MIA2: variants seen among roughly 807,000 people sequenced by gnomAD.
The protein encoded by MIA2 is MIA SH3 domain ER export factor 2, also known as melanoma inhibitory activity protein 2.
A neutral mutation model predicts 167.8 loss-of-function variants in MIA2; 127 were observed. The ratio of observed to expected loss-of-function variants is 0.76; its 90% CI spans 0.66 to 0.88. The LOEUF (loss-of-function observed/expected upper bound fraction) is 0.88. Among genes scored for constraint, MIA2 ranks in the 40% least tolerant of loss-of-function variants. The pLI is 0.00. For synonymous variants in MIA2, 552 were observed against 541.9 expected (o/e 1.02, Z -0.26); for missense variants, 1,690 against 1,624.7 (o/e 1.04, Z -0.69).
intron 3 of MIA2, among the ~76,000 whole-genome samples, chr14:39,244,318 TAGG>T (rs1203853537): frequency 6.6e-6 from 1 of 152,184 alleles, no homozygotes; most frequent in Non-Finnish European, 1.5e-5. Context: ...AGGTGGAGAA[TAGG>T]AGAAGGTCAG....
chr14:39,295,592 A>C (rs558639861), intron 13 of MIA2, among the ~76,000 whole-genome samples: 6 of 151,854 alleles, frequency 4.0e-5, no homozygotes, highest in African/African-American at 1.4e-4. Context: ...ACGGAGTCTC[A>C]CTCTGTTGCC....
At chr14:39,386,303 G>A in intron 23 of MIA2, 1 of 1,485,092 alleles carries the variant, frequency 6.7e-7, no homozygotes, top group South Asian at 1.1e-5. Flanking sequence ...GGCCTCCAAA[G>A]TGACTGTGCT....
At chr14:39,256,593 A>G (rs2054826519) in intron 6 of MIA2, among the ~76,000 whole-genome samples, 1 of 152,158 alleles carries the variant, frequency 6.6e-6, no homozygotes, top group Non-Finnish European at 1.5e-5. Context: ...TTTAAAAAAA[A>G]ATAACAAAGA....
Position 39,303,543 on chromosome 14 carries a change from T to C in MIA2, c.2787+19T>C. ...TGCTAAGGTTTGTGCTATTAGATAC[T>C]TAAAAAGAATAAGGAGGAAGAAAGA... is the stretch of plus-strand genomic sequence containing the variant. On this transcript the variant is annotated intron_variant, in intron 16 of 28. Coordinates refer to ENST00000640607, the MANE Select transcript of MIA2 (RefSeq NM_001329214.4). The C allele has an allele frequency of 1.3e-6, 2 of 1,584,676 alleles. No individual in the cohort carries two copies. Among genetic ancestry groups the C allele is most frequent in the Non-Finnish European group, 1.7e-6 (2 of 1,157,392 alleles).
Position 39,345,955 on chromosome 14 carries a change from G to A in MIA2, c.3707G>A (p.Cys1236Tyr), listed in dbSNP as rs1437081722. 1.9e-6 allele frequency: 3 copies of A among 1,612,186 alleles called. No homozygotes were observed. In the Admixed American group the frequency reaches 5.0e-5, roughly 27 times the overall value. Residue 1236 changes from cysteine (C) to tyrosine (Y), a missense_variant, in exon 26 of 29, where the codon TGT becomes TAT. Coordinates refer to ENST00000640607, the MANE Select transcript of MIA2 (RefSeq NM_001329214.4). Reference sequence around the variant, plus strand: ...CCTCCACAAAGGCAAGACAGATTTTGTTCTAATTCTGGTAGACTGTCTGGA... The same window carrying A: ...CCTCCACAAAGGCAAGACAGATTTTATTCTAATTCTGGTAGACTGTCTGGA... ...ALPPQRQDRF[C>Y]SNSGRLSGPA...
chr14:39,236,039 T>C (rs1185699995), intron 1 of MIA2, among the ~76,000 whole-genome samples: 1 of 152,148 alleles, frequency 6.6e-6, no homozygotes, highest in Admixed American at 6.5e-5. Flanking sequence ...GATTCGTTCA[T>C]AGTTATTGAG....
At chr14:39,304,747 G>T (rs529186077) in intron 17 of MIA2, among the ~76,000 whole-genome samples, 1 of 152,176 alleles carries the variant, frequency 6.6e-6, no homozygotes, top group Non-Finnish European at 1.5e-5. Context: ...TTCAATAGTG[G>T]TACTATTTGC....
Position 39,288,464 on chromosome 14 carries a change from T to TTG in MIA2, c.2131-2555_2131-2554insTG, listed in dbSNP as rs1566748196. Among the ~76,000 whole-genome samples, 5 of 30,404 alleles carry TTG rather than the reference T, an allele frequency of 1.6e-4. 1 individual carries two copies. The highest frequency in any genetic ancestry group is 2.6e-4 in the Non-Finnish European group (4 of 15,658). The allele number at this position is 30,404 out of a possible 152,430, so 19.9% of individuals were successfully genotyped here. On this transcript the variant is annotated intron_variant, in intron 9 of 28. Transcript: ENST00000640607. ...ATATATATATATATATATATATATATATATATATATATTTTTTTTTTTTTT... is the reference window on the plus strand; with the variant it reads ...ATATATATATATATATATATATATATTGATATATATATATTTTTTTTTTTTTT...
chr14:39,333,391 A>T (rs2069401378), intron 25 of MIA2, among the ~76,000 whole-genome samples: 1 of 152,180 alleles, frequency 6.6e-6, no homozygotes, highest in South Asian at 2.1e-4. Context: ...CCTTAGCTGA[A>T]AACTGCTTAA....
downstream of MIA2, among the ~76,000 whole-genome samples, chr14:39,353,706 C>G (rs2074450292): frequency 6.6e-6 from 1 of 151,970 alleles, no homozygotes. Context: ...ATCTCCTATC[C>G]CTCCCCTCTC....
At chr14:39,254,209 A>G (rs1042009490) in intron 6 of MIA2, among the ~76,000 whole-genome samples, 1 of 152,152 alleles carries the variant, frequency 6.6e-6, no homozygotes, top group African/African-American at 2.4e-5. Context: ...CAAAGAAAGG[A>G]TAGGCATTCT....
At position 39,247,728 on chromosome 14, in the gene MIA2, T is replaced by C. The variant is rs1370931343; in HGVS notation, c.1154T>C (p.Leu385Pro). The C allele has an allele frequency of 8.1e-6, 13 of 1,613,128 alleles. No homozygotes were observed. Among genetic ancestry groups the C allele is most frequent in the South Asian group, 2.2e-5 (2 of 90,716 alleles). The change falls in exon 4 of 29, where the codon CTA becomes CCA. Residue 385 changes from leucine (L) to proline (P), a missense_variant. Physicochemically the swap from Leu to Pro is moderately conservative, Grantham distance 98. Transcript: ENST00000640607. Reference protein sequence around the residue: ...PSWFDFGFAILGFAYAKEDKI... With the variant: ...PSWFDFGFAIPGFAYAKEDKI... ...TGGTTTGATTTTGGTTTTGCTATACTAGGCTTTGCATATGCCAAGGAAGAT... is the reference window on the plus strand; with the variant it reads ...TGGTTTGATTTTGGTTTTGCTATACCAGGCTTTGCATATGCCAAGGAAGAT...
At chr14:39,271,561 A>C (rs112931795) in intron 6 of MIA2, among the ~76,000 whole-genome samples, 1 of 152,210 alleles carries the variant, frequency 6.6e-6, no homozygotes, top group East Asian at 1.9e-4. Context: ...TTCTGCAAAA[A>C]AGGCAGTTGG....
intron 9 of MIA2, among the ~76,000 whole-genome samples, chr14:39,280,560 G>A (rs1282512032): frequency 1.3e-5 from 2 of 151,972 alleles, no homozygotes; most frequent in South Asian, 2.1e-4. Flanking sequence ...GTGAAACCCC[G>A]TCCCTACTAA....
At position 39,288,450 on chromosome 14, in the gene MIA2, TATATATATATATATATATATATA is replaced by T. The variant is rs1566746932; in HGVS notation, c.2131-2568_2131-2546del. On this transcript the variant is annotated intron_variant, in intron 9 of 28. Transcript: ENST00000640607. ...TATTATACATATATATATATATATATATATATATATATATATATATATATATTTTTTTTTTTTTTTTTGAGACG... is the reference window on the plus strand; with the variant it reads ...TATTATACATATATATATATATATATTATTTTTTTTTTTTTTTTTGAGACG... 6.0e-3 allele frequency among the ~76,000 whole-genome samples: 152 copies of T among 25,316 alleles called. 4 individuals are homozygous for T. The highest frequency in any genetic ancestry group is 0.026 in the East Asian group (22 of 858). 16.6% of individuals were successfully genotyped at this position (25,316 alleles called of 152,430 possible).
intron 21 of MIA2, among the ~76,000 whole-genome samples, chr14:39,317,191 A>G (rs1035454553): frequency 2.0e-5 from 3 of 152,176 alleles, no homozygotes; most frequent in African/African-American, 7.2e-5. Context: ...ATTACATATC[A>G]GGAAGGTCAC....
intron 25 of MIA2, among the ~76,000 whole-genome samples, chr14:39,339,164 A>G (rs910636021): frequency 6.6e-6 from 1 of 152,206 alleles, no homozygotes; most frequent in Non-Finnish European, 1.5e-5. Context: ...TGAGAATAGA[A>G]TGCCTCAGCT....
At chr14:39,273,234 GC>G (rs1427687126) in intron 6 of MIA2, among the ~76,000 whole-genome samples, 9 of 131,858 alleles carry the variant, frequency 6.8e-5, no homozygotes, top group Non-Finnish European at 1.1e-4. Context: ...TAGGAGAAAA[GC>G]TTTTTTTTTT....
intron 23 of MIA2, among the ~76,000 whole-genome samples, chr14:39,373,263 A>G (rs930959512): frequency 1.3e-5 from 2 of 151,682 alleles, no homozygotes; most frequent in African/African-American, 2.4e-5. Flanking sequence ...ATCAATGTAA[A>G]TACATACTGG....
Sources: allele counts gnomAD v4.1 joint callset (sites outside exome capture counted in the v4.1 genomes callset), GRCh38; gene constraint gnomAD v4.1.1; transcripts MANE v1.5; gene names NCBI Gene and HGNC (gene_info 2026-07-23, HGNC 2026-07-21).